Variants in C3orf49 observed in about 807,000 individuals in gnomAD.
The protein encoded by C3orf49 is chromosome 3 open reading frame 49.
Under a neutral mutation model 13.3 loss-of-function variants are expected in C3orf49, and 27 were observed. That is an observed-to-expected ratio of 2.02 (90% confidence interval 1.49 to 2.79). C3orf49 has a LOEUF of 2.79. C3orf49 is among the 30% of genes most tolerant of loss of function. The pLI, the probability that C3orf49 is intolerant of heterozygous loss-of-function variation, is 0.00. For synonymous variants in C3orf49, 87 were observed against 47.6 expected (o/e 1.83, Z -3.40); for missense variants, 242 against 134.2 (o/e 1.80, Z -3.97).
intron 3 of C3orf49, among the ~76,000 whole-genome samples, chr3:63,828,338 C>A (rs568137319): frequency 6.6e-6 from 1 of 152,098 alleles, no homozygotes; most frequent in Non-Finnish European, 1.5e-5. Flanking sequence ...CTCACTCTGT[C>A]GCCCAGGCTG....
chr3:63,847,672 G>A (rs894259135), intron 6 of C3orf49, among the ~76,000 whole-genome samples: 1 of 152,022 alleles, frequency 6.6e-6, no homozygotes, highest in Non-Finnish European at 1.5e-5. Flanking sequence ...AGGAGGCAGA[G>A]GTTGCAGTGA....
In C3orf49 at chr3:63,827,614, T is replaced by TG. The variant is rs1344139778; in HGVS notation, c.460dup (p.Asp154GlyfsTer52). Reference sequence around the variant, plus strand: ...CCTTTCTTGAAGCGACTATACAACTTGATGTTGTAGAGGCAGAGACAGAGG... The same window carrying TG: ...CCTTTCTTGAAGCGACTATACAACTTGGATGTTGTAGAGGCAGAGACAGAGG... On this transcript the variant is annotated frameshift_variant, in exon 3 of 7. Transcript: ENST00000295896. LOFTEE classifies it high-confidence loss of function. 4 of 703,016 alleles carry TG rather than the reference T, an allele frequency of 5.7e-6. No individual in the cohort carries two copies. Among genetic ancestry groups the TG allele is most frequent in the African/African-American group, 1.7e-5 (1 of 57,204 alleles). The allele number at this position is 703,016 out of a possible 1,614,324, so 43.5% of individuals were successfully genotyped here. A position where few individuals can be genotyped will look rare whatever the true frequency, so the allele number is the denominator to read the frequency against.
chr3:63,822,255 G>A (rs1000183844), intron 1 of C3orf49, among the ~76,000 whole-genome samples: 9 of 152,168 alleles, frequency 5.9e-5, no homozygotes, highest in East Asian at 1.9e-4. Context: ...GATTACAGGC[G>A]TAAGCCACCG....
the C3orf49 span, among the ~76,000 whole-genome samples, chr3:63,810,850 G>GGTTGT: frequency 1.7e-4 from 26 of 152,266 alleles, no homozygotes; most frequent in African/African-American, 6.0e-4. Context: ...CCACCAAACT[G>GGTTGT]GTTTTGTTTT....
chr3:63,807,784 G>C, the C3orf49 span, among the ~76,000 whole-genome samples: 1 of 148,170 alleles, frequency 6.7e-6, no homozygotes, highest in Admixed American at 6.8e-5. Flanking sequence ...TTGAACCCGG[G>C]AGGCAGAGGT....
intron 6 of C3orf49, among the ~76,000 whole-genome samples, chr3:63,846,750 C>A (rs1701905876): frequency 6.6e-6 from 1 of 152,010 alleles, no homozygotes; most frequent in South Asian, 2.1e-4. Flanking sequence ...TGATCTGTAC[C>A]AACTAGTATA....
the C3orf49 span, among the ~76,000 whole-genome samples, chr3:63,790,152 T>C: frequency 1.4e-4 from 21 of 152,134 alleles, no homozygotes; most frequent in African/African-American, 5.1e-4. Context: ...TCAACACTCC[T>C]GAGAGCCTCT....
chr3:63,789,080 C>G, the C3orf49 span, among the ~76,000 whole-genome samples: 1 of 152,152 alleles, frequency 6.6e-6, no homozygotes, highest in South Asian at 2.1e-4. Flanking sequence ...GAAACTGGGC[C>G]TCACAGCAGA....
chr3:63,817,535 C>A (rs545156044), upstream of C3orf49, among the ~76,000 whole-genome samples: 1 of 151,936 alleles, frequency 6.6e-6, no homozygotes, highest in East Asian at 1.9e-4. Flanking sequence ...GTTTTACGAA[C>A]GAGAAAATGA....
intron 2 of C3orf49, chr3:63,826,950 G>GAA: frequency 7.0e-6 from 1 of 143,106 alleles, no homozygotes; most frequent in Non-Finnish European, 1.5e-5. Flanking sequence ...CTCCATCTCA[G>GAA]AAAAAAAAAA....
the C3orf49 span, chr3:63,786,209 C>T: frequency 1.3e-5 from 2 of 152,136 alleles, no homozygotes; most frequent in Non-Finnish European, 1.5e-5. Flanking sequence ...CCTGACCCCC[C>T]TCCCCTATAC....
At chr3:63,837,464 A>G (rs1701658940) in intron 5 of C3orf49, among the ~76,000 whole-genome samples, 1 of 152,110 alleles carries the variant, frequency 6.6e-6, no homozygotes, top group Non-Finnish European at 1.5e-5. Flanking sequence ...ACAAGAGATT[A>G]TAACAAAACT....
intron 5 of C3orf49, among the ~76,000 whole-genome samples, chr3:63,842,418 C>T (rs1286633379): frequency 6.6e-6 from 1 of 152,068 alleles, no homozygotes; most frequent in East Asian, 1.9e-4. Flanking sequence ...CCTCAAAAAA[C>T]TGAAAATATG....
At chr3:63,811,612 T>C in the C3orf49 span, among the ~76,000 whole-genome samples, 1 of 151,316 alleles carries the variant, frequency 6.6e-6, no homozygotes, top group Non-Finnish European at 1.5e-5. Context: ...CCAGGCACAC[T>C]GGCTCACACC....
At chr3:63,796,705 T>C in the C3orf49 span, among the ~76,000 whole-genome samples, 3 of 152,326 alleles carry the variant, frequency 2.0e-5, no homozygotes, top group South Asian at 6.2e-4. Context: ...TCACTTATGA[T>C]GTTGCTGCCA....
chr3:63,807,676 G>C, the C3orf49 span, among the ~76,000 whole-genome samples: 1 of 151,910 alleles, frequency 6.6e-6, no homozygotes, highest in East Asian at 1.9e-4. Flanking sequence ...GGCCAGCATG[G>C]TGAAACCCTG....
At chr3:63,786,650 T>C in the C3orf49 span, among the ~76,000 whole-genome samples, 1 of 152,250 alleles carries the variant, frequency 6.6e-6, no homozygotes, top group Non-Finnish European at 1.5e-5. Flanking sequence ...TTTCTTAACC[T>C]GTCTTTGATT....
rs781563776 is a variant in C3orf49 at position 63,831,231 on chromosome 3, A to G, written c.684+8A>G. ...GGAAAGCTTCAAATGCAGGTAGTGG[A>G]CAAAGGCTTTTAACTTTTGAGTCTC... On this transcript the variant is annotated splice_region_variant and intron_variant, in intron 4 of 6. Coordinates refer to ENST00000295896, the MANE Select transcript of C3orf49 (RefSeq NM_001355236.2). 3 of 700,526 alleles carry G rather than the reference A, an allele frequency of 4.3e-6. No homozygotes were observed. The South Asian group carries it at 4.5e-5, about 10-fold the overall frequency. 43.4% of individuals were successfully genotyped at this position (700,526 alleles called of 1,614,324 possible).
At chr3:63,789,829 A>AG in the C3orf49 span, among the ~76,000 whole-genome samples, 1 of 151,176 alleles carries the variant, frequency 6.6e-6, no homozygotes, top group East Asian at 1.9e-4. Flanking sequence ...AAAAAAAAAA[A>AG]AAAAAGGAAG....
Sources: allele counts gnomAD v4.1 joint callset (sites outside exome capture counted in the v4.1 genomes callset), GRCh38; gene constraint gnomAD v4.1.1; transcripts MANE v1.5; gene names NCBI Gene and HGNC (gene_info 2026-07-23, HGNC 2026-07-21).